The following HERC1 variants were observed in gnomAD, a reference collection of about 807,000 sequenced individuals.
HERC1 encodes probable E3 ubiquitin-protein ligase HERC1.
Under a neutral mutation model 554.3 loss-of-function variants are expected in HERC1, and 160 were observed. The ratio of observed to expected loss-of-function variants is 0.29; its 90% CI spans 0.25 to 0.33. The LOEUF is 0.33. Ranked by LOEUF, HERC1 falls within the 10% of genes least tolerant of loss-of-function variation. The pLI is 1.00. For missense variants in HERC1, 4,919 were observed against 5,918.5 expected, an observed-to-expected ratio of 0.83 and a Z score of 5.54; for synonymous variants, 2,175 against 2,131.7, an observed-to-expected ratio of 1.02 and a Z score of -0.56.
At chr15:63,622,185 G>A (rs1360033456) in intron 74 of HERC1, among the ~76,000 whole-genome samples, 1 of 152,166 alleles carries the variant, frequency 6.6e-6, no homozygotes, top group Non-Finnish European at 1.5e-5. Flanking sequence ...TTTTGGTGCA[G>A]AAAATTCATT....
At chr15:63,769,665 C>G (rs554434147) in intron 2 of HERC1, among the ~76,000 whole-genome samples, 1 of 151,958 alleles carries the variant, frequency 6.6e-6, no homozygotes, top group South Asian at 2.1e-4. Flanking sequence ...ACCAGCCTGG[C>G]CAACATGGTG....
chr15:63,621,942 C>T (rs931508666), intron 74 of HERC1, among the ~76,000 whole-genome samples: 1 of 152,086 alleles, frequency 6.6e-6, no homozygotes, highest in African/African-American at 2.4e-5. Context: ...CGAACTTCCT[C>T]CTTTAGCTCA....
At chr15:63,717,829 G>A (rs2073628775) in intron 21 of HERC1, among the ~76,000 whole-genome samples, 1 of 152,144 alleles carries the variant, frequency 6.6e-6, no homozygotes. Flanking sequence ...CCAAGATCAT[G>A]CCACTGCGCT....
intron 1 of HERC1, among the ~76,000 whole-genome samples, chr15:63,813,031 T>C (rs1248081780): frequency 1.3e-5 from 2 of 152,170 alleles, no homozygotes; most frequent in Admixed American, 6.5e-5. Context: ...ACACACACCT[T>C]ACCATCAACT....
chr15:63,734,616 C>T lies in HERC1; in HGVS notation c.2646+108G>A. ...CTTCCAGCACAACACATTAACCCAT[C>T]AAGTACTTATGCTCCAAGAACACAT... On this transcript the variant is annotated intron_variant, in intron 13 of 77. Coordinates refer to ENST00000443617, the MANE Select transcript of HERC1 (RefSeq NM_003922.4). The surrounding 1 kb of genome is among the most constrained non-coding windows in gnomAD (Gnocchi z 4.6). 2 of 892,600 alleles carry T rather than the reference C, an allele frequency of 2.2e-6. No homozygotes were observed. The allele number at this position is 892,600 out of a possible 1,614,324, so 55.3% of individuals were successfully genotyped here.
intron 13 of HERC1, 33 bp from the exon 14 acceptor site, chr15:63,733,178 G>A: frequency 7.3e-7 from 1 of 1,371,516 alleles, no homozygotes; most frequent in Non-Finnish European, 1.0e-6. Flanking sequence ...CAAGTAACTA[G>A]CGTAATATGC....
intron 39 of HERC1, 90 bp from the exon 40 acceptor site, chr15:63,669,788 G>GTTTAGTCTTCCAGGTT: frequency 6.6e-6 from 8 of 1,212,844 alleles, no homozygotes; most frequent in African/African-American, 1.5e-5. Context: ...TATGCAACCT[G>GTTTAGTCTTCCAGGTT]GAAGACTAAA....
At position 63,782,458 on chromosome 15, in the gene HERC1, C is replaced by A. The variant is rs145205291; in HGVS notation, c.-26-6809G>T. 8.2e-3 allele frequency among the ~76,000 whole-genome samples: 1,247 copies of A among 152,282 alleles called. 7 individuals are homozygous for A. The highest frequency in any genetic ancestry group is 0.012 in the Non-Finnish European group (843 of 68,028). On this transcript the variant is annotated intron_variant, in intron 1 of 77. Coordinates refer to ENST00000443617, the MANE Select transcript of HERC1 (RefSeq NM_003922.4). ...CACAGTTTACTAAATATTTTAAGCC[C>A]ACTGTTAAGACCTACAGCTCAGAAA...
chr15:63,805,373 A>T (rs2077106040), intron 1 of HERC1, among the ~76,000 whole-genome samples: 1 of 152,194 alleles, frequency 6.6e-6, no homozygotes, highest in Admixed American at 6.5e-5. Context: ...TGCTAAGCGA[A>T]ATAAGCCAGA....
chr15:63,652,425 C>G lies in HERC1; in HGVS notation c.10407G>C (p.Val3469=), dbSNP rs369327928. The G allele has an allele frequency of 7.4e-6, 12 of 1,612,520 alleles. No homozygotes were observed. The highest frequency in any genetic ancestry group is 1.0e-5 in the Non-Finnish European group (12 of 1,179,106). Residue 3469 remains valine (V), a synonymous_variant, in exon 52 of 78, where the codon GTG becomes GTC. Transcript: ENST00000443617. ...ATGTTAGCACTCACAATCTGTTGAA[C>G]ACACAGGTCTGTTGCAGTGAATATT... ...KKQYSLQQTC[V]FNRLEGDAEE...
chr15:63,632,483 A>C, intron 68 of HERC1: 1 of 594,002 alleles, frequency 1.7e-6, no homozygotes, highest in Admixed American at 2.7e-5. Context: ...TCTTCTAGCA[A>C]GAGTGCTGGC....
At chr15:63,610,719 G>A (rs1191495417) in intron 77 of HERC1, among the ~76,000 whole-genome samples, 3 of 152,230 alleles carry the variant, frequency 2.0e-5, no homozygotes, top group African/African-American at 7.2e-5. Flanking sequence ...GAATAGCTTT[G>A]GCTACACCAG....
intron 63 of HERC1, among the ~76,000 whole-genome samples, chr15:63,638,072 C>T (rs910223594): frequency 6.6e-6 from 1 of 151,874 alleles, no homozygotes; most frequent in Admixed American, 6.6e-5. Flanking sequence ...GGGGAGTGGT[C>T]GATAAAATCT....
At chr15:63,747,994 G>A (rs887194670) in intron 10 of HERC1, 136 bp from the exon 11 acceptor site, 1 of 782,638 alleles carries the variant, frequency 1.3e-6, no homozygotes, top group Non-Finnish European at 2.0e-6. Context: ...GGGAGGCCAA[G>A]GAATGCAGAT....
chr15:63,660,005 G>A (rs952276714), intron 46 of HERC1, 69 bp from the exon 47 acceptor site: 5 of 1,253,390 alleles, frequency 4.0e-6, no homozygotes, highest in Non-Finnish European at 5.7e-6. Context: ...GGCAATGGTT[G>A]TTCTGAAAAT....
chr15:63,826,814 A>AAAAAAAATATAT (rs1567168622), intron 1 of HERC1, among the ~76,000 whole-genome samples: 2 of 22,240 alleles, frequency 9.0e-5, no homozygotes, highest in African/African-American at 2.6e-4. Flanking sequence ...AAAAAAAAAA[A>AAAAAAAATATAT]ATATATATAT....
chr15:63,648,691 G>C (rs1240341733), intron 54 of HERC1, among the ~76,000 whole-genome samples: 1 of 152,158 alleles, frequency 6.6e-6, no homozygotes, highest in Non-Finnish European at 1.5e-5. Context: ...ATGTAACACT[G>C]AAAGACTACA....
At chr15:63,665,889 G>T (rs760401250) in intron 42 of HERC1, 30 bp downstream of exon 42, 1 of 1,532,390 alleles carries the variant, frequency 6.5e-7, no homozygotes, top group Admixed American at 1.8e-5. Flanking sequence ...TATAACACAT[G>T]GAACAAAAGT....
At chr15:63,742,503 A>T (rs1161864999) in intron 12 of HERC1, among the ~76,000 whole-genome samples, 3 of 152,200 alleles carry the variant, frequency 2.0e-5, no homozygotes, top group Admixed American at 2.0e-4. Context: ...TAATTGCCCC[A>T]GCTAGAATAG....
Sources: gnomAD v4.1 joint callset for allele counts (sites outside exome capture counted in the v4.1 genomes callset) on GRCh38, gnomAD v4.1.1 for gene constraint, Gnocchi (gnomAD v3.1) non-coding constraint, MANE v1.5 for transcripts, NCBI Gene and HGNC (gene_info 2026-07-23, HGNC 2026-07-21) for gene names.